The following PEX14 variants were observed in gnomAD, a reference collection of about 807,000 sequenced individuals.
PEX14 encodes peroxisomal membrane protein PEX14.
PEX14 carries 15 observed loss-of-function variants against 49.5 expected under a neutral mutation model. That is an observed-to-expected ratio of 0.30 (90% CI 0.20 to 0.47). The LOEUF (loss-of-function observed/expected upper bound fraction) is 0.47, where lower values mean the gene tolerates loss of function less well. Among genes scored for constraint, PEX14 ranks in the 20% least tolerant of loss-of-function variants. The probability of loss-of-function intolerance (pLI) is 1.00; values close to 1 mark genes in which losing one functional copy is unlikely to be tolerated. For missense variants in PEX14, 398 were observed against 494.8 expected, an observed-to-expected ratio of 0.80 and a Z score of 1.86; for synonymous variants, 210 against 212.7, an observed-to-expected ratio of 0.99 and a Z score of 0.11.
In PEX14 at chr1:10,577,568, T is replaced by G. The variant is rs1450441820; in HGVS notation, c.170-21670T>G. Among the ~76,000 whole-genome samples the G allele has an allele frequency of 9.2e-4, 3 of 3,272 alleles. 1 individual carries two copies. The highest frequency in any genetic ancestry group is 1.9e-3 in the African/African-American group (2 of 1,046). The allele number at this position is 3,272 out of a possible 152,430, so 2.1% of individuals were successfully genotyped here. A position where few individuals can be genotyped will look rare whatever the true frequency, so the allele number is the denominator to read the frequency against. On this transcript the variant is annotated intron_variant, in intron 3 of 8. Coordinates refer to ENST00000356607, the MANE Select transcript of PEX14 (RefSeq NM_004565.3). ...TATATATATATATATATATATTTTT[T>G]TTTTTTTTTTTTTTTTTTTTTTTTT...
At chr1:10,594,235 T>A (rs1470062158) in intron 3 of PEX14, among the ~76,000 whole-genome samples, 2 of 152,176 alleles carry the variant, frequency 1.3e-5, no homozygotes, top group African/African-American at 4.8e-5. Flanking sequence ...AGAGTTGATT[T>A]TTTTCTTTTA....
chr1:10,569,898 C>G (rs1639920383), intron 3 of PEX14, among the ~76,000 whole-genome samples: 1 of 152,054 alleles, frequency 6.6e-6, no homozygotes, highest in Non-Finnish European at 1.5e-5. Flanking sequence ...TCTACATATT[C>G]TGAAATTTCA....
rs145739149 is a variant in PEX14 at position 10,588,006 on chromosome 1, C to T, written c.170-11232C>T. On this transcript the variant is annotated intron_variant, in intron 3 of 8. Coordinates refer to ENST00000356607, the MANE Select transcript of PEX14 (RefSeq NM_004565.3). ...TTTGGGAGGCCGAGCGAGTAGATCA[C>T]GAGGTCAGGAGTTCAAGACCAGCCT... 9.1e-3 allele frequency among the ~76,000 whole-genome samples: 1,332 copies of T among 146,104 alleles called. 4 individuals carry two copies. Among genetic ancestry groups the T allele is most frequent in the Non-Finnish European group, 0.012 (830 of 67,320 alleles).
chr1:10,629,487 T>A lies in PEX14; in HGVS notation c.678-44T>A. 1 of 1,407,776 alleles carries A rather than the reference T, an allele frequency of 7.1e-7. No individual in the cohort carries two copies. The highest frequency in any genetic ancestry group is 1.0e-6 in the Non-Finnish European group (1 of 997,354). The allele number at this position is 1,407,776 out of a possible 1,614,324, so 87.2% of individuals were successfully genotyped here. A position where few individuals can be genotyped will look rare whatever the true frequency, so the allele number is the denominator to read the frequency against. ...AGGCGTGGCCCTTCGAAGGGGGGCGTCCTGAATGCCGCCACCAACCTCCTC... is the reference window on the plus strand; with the variant it reads ...AGGCGTGGCCCTTCGAAGGGGGGCGACCTGAATGCCGCCACCAACCTCCTC... On this transcript the variant is annotated intron_variant, in intron 8 of 8. Coordinates refer to ENST00000356607, the MANE Select transcript of PEX14 (RefSeq NM_004565.3). The surrounding 1 kb of genome is among the most constrained non-coding windows in gnomAD (Gnocchi z 8.5).
Position 10,628,602 on chromosome 1 carries a change from C to T in PEX14, c.678-929C>T, listed in dbSNP as rs766155491. Among the ~76,000 whole-genome samples, 1 of 152,252 alleles carries T rather than the reference C, an allele frequency of 6.6e-6. No individual in the cohort carries two copies. The highest frequency in any genetic ancestry group is 1.5e-5 in the Non-Finnish European group (1 of 68,034). Reference sequence around the variant, plus strand: ...CATTTTCCCTAACCGAGACCAGTGCCTTGGAGGCTGGGGATGGAGGCCAGG... The same window carrying T: ...CATTTTCCCTAACCGAGACCAGTGCTTTGGAGGCTGGGGATGGAGGCCAGG... On this transcript the variant is annotated intron_variant, in intron 8 of 8. Transcript: ENST00000356607. This position sits in a 1 kb window ranked among gnomAD's most constrained non-coding sequence, Gnocchi z 4.5.
rs1640862865 is a variant in PEX14, at chr1:10,597,526, T to C, written c.170-1712T>C. On this transcript the variant is annotated intron_variant, in intron 3 of 8. Transcript: ENST00000356607. The surrounding 1 kb of genome is among the most constrained non-coding windows in gnomAD (Gnocchi z 5.7). ...GAAGGTGAAATTATGGGTAAAGCAG[T>C]CCCTTTGCAGCAAGCACCCCCTCTC... Among the ~76,000 whole-genome samples, 1 of 152,182 alleles carries C rather than the reference T, an allele frequency of 6.6e-6. No individual in the cohort carries two copies. Among genetic ancestry groups the C allele is most frequent in the Non-Finnish European group, 1.5e-5 (1 of 68,036 alleles).
intron 3 of PEX14, among the ~76,000 whole-genome samples, chr1:10,552,750 G>C (rs1639371397): frequency 6.6e-6 from 1 of 152,196 alleles, no homozygotes; most frequent in South Asian, 2.1e-4. Flanking sequence ...ATAGGTATCT[G>C]AGTGGAGGCC....
chr1:10,516,682 G>A (rs981576380), intron 2 of PEX14, among the ~76,000 whole-genome samples: 2 of 152,238 alleles, frequency 1.3e-5, no homozygotes, highest in African/African-American at 4.8e-5. Context: ...ACTTGCAGGA[G>A]AATAGCTATG....
chr1:10,552,446 A>G (rs1226161033), intron 3 of PEX14, among the ~76,000 whole-genome samples: 5 of 152,240 alleles, frequency 3.3e-5, no homozygotes, highest in Non-Finnish European at 7.3e-5. Context: ...CGTCTCAAAA[A>G]AAAAATCTGC....
At chr1:10,523,394 G>A (rs954160478) in intron 2 of PEX14, among the ~76,000 whole-genome samples, 2 of 152,090 alleles carry the variant, frequency 1.3e-5, no homozygotes, top group East Asian at 1.9e-4. Flanking sequence ...TGAATTGGGT[G>A]TCAGCTTGGA....
At chr1:10,546,228 G>T (rs977518857) in intron 3 of PEX14, among the ~76,000 whole-genome samples, 2 of 151,984 alleles carry the variant, frequency 1.3e-5, no homozygotes, top group Non-Finnish European at 2.9e-5. Flanking sequence ...ATAAGAATTC[G>T]TGCATCAGGA....
intron 3 of PEX14, among the ~76,000 whole-genome samples, chr1:10,543,082 G>A (rs570511065): frequency 6.6e-6 from 1 of 152,360 alleles, no homozygotes; most frequent in East Asian, 1.9e-4. Context: ...TTAACACTTA[G>A]CACAGATTTG....
At chr1:10,486,204 T>C (rs539365817) in intron 1 of PEX14, among the ~76,000 whole-genome samples, 31 of 152,220 alleles carry the variant, frequency 2.0e-4, no homozygotes, top group Non-Finnish European at 4.4e-4. Context: ...TTGAGTGCAA[T>C]GTTAAAAGTA....
chr1:10,499,862 C>G (rs1641640092), intron 2 of PEX14, among the ~76,000 whole-genome samples: 2 of 152,140 alleles, frequency 1.3e-5, no homozygotes, highest in Admixed American at 1.3e-4. Flanking sequence ...TCTGCAGTTG[C>G]AGATCTAGGT....
At chr1:10,573,011 A>T (rs975233222) in intron 3 of PEX14, among the ~76,000 whole-genome samples, 1 of 152,216 alleles carries the variant, frequency 6.6e-6, no homozygotes, top group African/African-American at 2.4e-5. Context: ...ACTGTAGGCA[A>T]TTGTAACACA....
intron 3 of PEX14, among the ~76,000 whole-genome samples, chr1:10,570,103 A>G (rs914610573): frequency 6.6e-6 from 1 of 151,744 alleles, no homozygotes; most frequent in Admixed American, 6.6e-5. Context: ...CCTACTTTAT[A>G]TGTAATTTCT....
intron 3 of PEX14, among the ~76,000 whole-genome samples, chr1:10,568,380 A>T (rs1023796669): frequency 7.8e-5 from 10 of 127,704 alleles, no homozygotes; most frequent in African/African-American, 3.1e-4. Context: ...GTATTCTTGT[A>T]TTCTTATTGT....
Position 10,529,938 on chromosome 1 carries a change from C to T in PEX14, c.85-6275C>T, listed in dbSNP as rs1189843457. ...CACAGTGACAAAACCCAGGAAATTC[C>T]AAGTCGAAAGAGAGGCTCTTTCCTT... On this transcript the variant is annotated intron_variant, in intron 2 of 8. Coordinates refer to ENST00000356607, the MANE Select transcript of PEX14 (RefSeq NM_004565.3). This position sits in a 1 kb window ranked among gnomAD's most constrained non-coding sequence, Gnocchi z 4.2. Among the ~76,000 whole-genome samples, 1 of 152,166 alleles carries T rather than the reference C, an allele frequency of 6.6e-6. No individual in the cohort carries two copies. Among genetic ancestry groups the T allele is most frequent in the Non-Finnish European group, 1.5e-5 (1 of 68,034 alleles).
In PEX14 at chr1:10,497,317, T is replaced by A. The variant is rs556387997; in HGVS notation, c.84+1996T>A. Among the ~76,000 whole-genome samples, 9 of 152,290 alleles carry A rather than the reference T, an allele frequency of 5.9e-5. No homozygotes were observed. In the East Asian group the frequency reaches 1.7e-3, roughly 29 times the overall value. On this transcript the variant is annotated intron_variant, in intron 2 of 8. Coordinates refer to ENST00000356607, the MANE Select transcript of PEX14 (RefSeq NM_004565.3). ...GGGGGCACAAGATGGGCAGCCCCCTTGCACAGAAAGCCCCACAGCTCAGTG... is the reference window on the plus strand; with the variant it reads ...GGGGGCACAAGATGGGCAGCCCCCTAGCACAGAAAGCCCCACAGCTCAGTG...
Sources: gnomAD v4.1 joint callset for allele counts (sites outside exome capture counted in the v4.1 genomes callset) on GRCh38, gnomAD v4.1.1 for gene constraint, Gnocchi (gnomAD v3.1) non-coding constraint, MANE v1.5 for transcripts, NCBI Gene and HGNC (gene_info 2026-07-23, HGNC 2026-07-21) for gene names.